The following RRAS2 variants were observed in gnomAD, a reference collection of about 807,000 sequenced individuals.
RRAS2 encodes ras-related protein R-Ras2.
RRAS2 carries 7 observed loss-of-function variants against 27.6 expected under a neutral mutation model. The observed-to-expected ratio is 0.25, with a 90% confidence interval of 0.14 to 0.48. The LOEUF is 0.48. Ranked by LOEUF, RRAS2 falls within the 20% of genes least tolerant of loss-of-function variation. RRAS2 has a pLI of 0.99. For synonymous variants in RRAS2, 86 were observed against 90.9 expected, an observed-to-expected ratio of 0.95 and a Z score of 0.31; for missense variants, 178 against 256.2, an observed-to-expected ratio of 0.69 and a Z score of 2.08.
chr11:14,364,328 A>G (rs1934727518), intron 1 of RRAS2: 17 of 1,494,334 alleles, frequency 1.1e-5, no homozygotes, highest in African/African-American at 1.4e-5. Flanking sequence ...GCTACAACAG[A>G]CAGAGCCAAG....
chr11:14,318,269 CGGGTGG>C (rs1564968721), intron 1 of RRAS2, among the ~76,000 whole-genome samples: 1 of 152,088 alleles, frequency 6.6e-6, no homozygotes, highest in African/African-American at 2.4e-5. Context: ...GAGGCCAAAG[CGGGTGG>C]ATCACCTGAA....
chr11:14,342,053 T>G, intron 1 of RRAS2: 1 of 719,224 alleles, frequency 1.4e-6, no homozygotes, highest in Non-Finnish European at 1.8e-6. Context: ...TAGCCATCAA[T>G]TGCAGTTTTA....
intron 2 of RRAS2, 34 bp downstream of exon 2, chr11:14,295,734 T>C (rs781909362): frequency 1.3e-6 from 2 of 1,508,202 alleles, no homozygotes; most frequent in Admixed American, 4.0e-5. Flanking sequence ...AAAAATATGA[T>C]ATGCAAATTA....
At chr11:14,350,002 T>C (rs1266143119) in intron 1 of RRAS2, among the ~76,000 whole-genome samples, 1 of 152,188 alleles carries the variant, frequency 6.6e-6, no homozygotes, top group Non-Finnish European at 1.5e-5. Context: ...CCTGCCCCCA[T>C]TCCCTCTATC....
intron 1 of RRAS2, among the ~76,000 whole-genome samples, chr11:14,297,057 TAAC>T (rs1288077706): frequency 6.6e-6 from 1 of 152,052 alleles, no homozygotes; most frequent in South Asian, 2.1e-4. Context: ...TTAAAAAAGA[TAAC>T]AACAATAATC....
chr11:14,294,689 A>G (rs1847499821), intron 3 of RRAS2, 71 bp downstream of exon 3: 3 of 1,531,528 alleles, frequency 2.0e-6, no homozygotes, highest in African/African-American at 1.4e-5. Flanking sequence ...ATAAAAACAA[A>G]AAGTCCAAAC....
chr11:14,312,197 G>C (rs1554948965), intron 1 of RRAS2, among the ~76,000 whole-genome samples: 1 of 152,036 alleles, frequency 6.6e-6, no homozygotes, highest in Non-Finnish European at 1.5e-5. Context: ...ATATCCCTAA[G>C]GGGAGAACAC....
At chr11:14,325,633 G>A (rs186825330) in intron 1 of RRAS2, among the ~76,000 whole-genome samples, 1 of 152,226 alleles carries the variant, frequency 6.6e-6, no homozygotes, top group African/African-American at 2.4e-5. Context: ...ATGGCATTAA[G>A]TTTGTAGATT....
chr11:14,335,523 T>C (rs1289675561), intron 1 of RRAS2, among the ~76,000 whole-genome samples: 1 of 152,066 alleles, frequency 6.6e-6, no homozygotes, highest in African/African-American at 2.4e-5. Flanking sequence ...AGCAGAGAAG[T>C]AAAAATAGAA....
chr11:14,296,692 T>C (rs1039264070), intron 1 of RRAS2, among the ~76,000 whole-genome samples: 2 of 152,166 alleles, frequency 1.3e-5, no homozygotes, highest in Non-Finnish European at 2.9e-5. Flanking sequence ...AAAATATCAT[T>C]TTGAAATTTT....
At chr11:14,327,143 T>C (rs2134005022) in intron 1 of RRAS2, among the ~76,000 whole-genome samples, 1 of 152,228 alleles carries the variant, frequency 6.6e-6, no homozygotes. Context: ...GTTTAAAAAC[T>C]AAGATGAAGC....
intron 1 of RRAS2, among the ~76,000 whole-genome samples, chr11:14,332,879 A>C (rs1848509337): frequency 1.3e-5 from 2 of 152,350 alleles, no homozygotes; most frequent in Admixed American, 1.3e-4. Flanking sequence ...AGTTCCCTGG[A>C]AACAATAACA....
intron 1 of RRAS2, among the ~76,000 whole-genome samples, chr11:14,319,861 AAAC>A (rs1325279575): frequency 2.6e-5 from 4 of 152,358 alleles, no homozygotes; most frequent in Non-Finnish European, 5.9e-5. Flanking sequence ...TGTGTGATCA[AAAC>A]AACAAAAATA....
intron 4 of RRAS2, among the ~76,000 whole-genome samples, chr11:14,293,739 T>C (rs1260957755): frequency 6.6e-6 from 1 of 152,208 alleles, no homozygotes. Context: ...CTTTATAAAT[T>C]ACCCAGTCTT....
intron 1 of RRAS2, among the ~76,000 whole-genome samples, chr11:14,305,284 A>G (rs1285211412): frequency 1.3e-5 from 2 of 152,240 alleles, no homozygotes; most frequent in African/African-American, 2.4e-5. Flanking sequence ...AAGTCTGTTT[A>G]TAAGTTATTT....
chr11:14,334,367 A>G (rs1848547863), intron 1 of RRAS2, among the ~76,000 whole-genome samples: 1 of 152,130 alleles, frequency 6.6e-6, no homozygotes. Flanking sequence ...CCTTGCTGTC[A>G]TTTTAAGATA....
chr11:14,332,268 C>A (rs1344539749), intron 1 of RRAS2, among the ~76,000 whole-genome samples: 1 of 152,126 alleles, frequency 6.6e-6, no homozygotes, highest in African/African-American at 2.4e-5. Flanking sequence ...GGAAACAACC[C>A]AAATGTTCTA....
At chr11:14,296,548 AATC>A (rs1847556314) in intron 1 of RRAS2, among the ~76,000 whole-genome samples, 2 of 152,220 alleles carry the variant, frequency 1.3e-5, no homozygotes, top group African/African-American at 4.8e-5. Context: ...ACCTGATTAT[AATC>A]ATCAGTCCTA....
intron 1 of RRAS2, among the ~76,000 whole-genome samples, chr11:14,322,657 C>G (rs1848252976): frequency 6.6e-6 from 1 of 152,158 alleles, no homozygotes; most frequent in African/African-American, 2.4e-5. Context: ...TGGCTAAATA[C>G]AGCAATCCAG....
Sources: gnomAD v4.1 joint callset for allele counts (sites outside exome capture counted in the v4.1 genomes callset) on GRCh38, gnomAD v4.1.1 for gene constraint, MANE v1.5 for transcripts, NCBI Gene and HGNC (gene_info 2026-07-23, HGNC 2026-07-21) for gene names.